The following NELL1 variants were observed in gnomAD, a reference collection of about 807,000 sequenced individuals.
The protein encoded by NELL1 is protein kinase C-binding protein NELL1.
A neutral mutation model predicts 107.4 loss-of-function variants in NELL1; 76 were observed. That is an observed-to-expected ratio of 0.71 (90% CI 0.59 to 0.86). The LOEUF (loss-of-function observed/expected upper bound fraction) is 0.86. Among genes scored for constraint, NELL1 ranks in the 40% least tolerant of loss-of-function variants. NELL1 has a pLI of 0.00. For synonymous variants in NELL1, 353 were observed against 341.2 expected (o/e 1.03, Z -0.38); for missense variants, 1,024 against 1,005.5 (o/e 1.02, Z -0.25).
chr11:21,101,163 T>C (rs1854799811), intron 12 of NELL1, among the ~76,000 whole-genome samples: 1 of 152,190 alleles, frequency 6.6e-6, no homozygotes, highest in Non-Finnish European at 1.5e-5. Flanking sequence ...ACAAAGGACA[T>C]GAACTCGTCA....
chr11:21,236,527 A>G (rs1858210703), intron 14 of NELL1, among the ~76,000 whole-genome samples: 1 of 152,136 alleles, frequency 6.6e-6, no homozygotes, highest in South Asian at 2.1e-4. Flanking sequence ...ATTTAAGTTC[A>G]AAGACATTGT....
intron 13 of NELL1, among the ~76,000 whole-genome samples, chr11:21,208,059 C>T (rs981153202): frequency 2.0e-5 from 3 of 151,976 alleles, no homozygotes; most frequent in Non-Finnish European, 2.9e-5. Context: ...GAGCTAAAAT[C>T]TATTTATTTA....
At chr11:20,828,038 A>T (rs1423660162) in intron 3 of NELL1, among the ~76,000 whole-genome samples, 1 of 151,314 alleles carries the variant, frequency 6.6e-6, no homozygotes, top group Non-Finnish European at 1.5e-5. Flanking sequence ...ACATAGTGTC[A>T]TGGAGCAGAA....
chr11:20,726,447 A>G (rs572031471), intron 2 of NELL1, among the ~76,000 whole-genome samples: 62 of 152,090 alleles, frequency 4.1e-4, no homozygotes, highest in Admixed American at 9.8e-4. Context: ...AGCACCGGAA[A>G]AGATAACCAT....
intron 15 of NELL1, among the ~76,000 whole-genome samples, chr11:21,456,895 T>TC (rs1305379399): frequency 6.4e-5 from 1 of 15,684 alleles, no homozygotes; most frequent in Non-Finnish European, 1.3e-4. Flanking sequence ...AAATGAGGTG[T>TC]TTTTTTTCTA....
intron 2 of NELL1, among the ~76,000 whole-genome samples, chr11:20,746,465 T>C (rs565218829): frequency 6.6e-6 from 1 of 152,182 alleles, no homozygotes; most frequent in South Asian, 2.1e-4. Flanking sequence ...ATTAATATTG[T>C]CCTCCCTTCA....
chr11:20,998,439 T>C (rs886230674), intron 12 of NELL1, among the ~76,000 whole-genome samples: 2 of 152,222 alleles, frequency 1.3e-5, no homozygotes, highest in African/African-American at 2.4e-5. Context: ...TTTGCTAAGA[T>C]ATATTTTTGT....
At chr11:21,444,720 T>G (rs1853376619) in intron 15 of NELL1, among the ~76,000 whole-genome samples, 2 of 152,154 alleles carry the variant, frequency 1.3e-5, no homozygotes, top group Non-Finnish European at 2.9e-5. Flanking sequence ...ATTTATCCTT[T>G]TTGTTACAAA....
intron 5 of NELL1, among the ~76,000 whole-genome samples, chr11:20,909,162 CAG>C (rs1031308396): frequency 2.6e-5 from 4 of 152,144 alleles, no homozygotes; most frequent in South Asian, 2.1e-4. Flanking sequence ...TAATGGTTAA[CAG>C]GGGATGGTGG....
intron 14 of NELL1, among the ~76,000 whole-genome samples, chr11:21,276,680 G>T (rs1848870216): frequency 6.6e-6 from 1 of 152,100 alleles, no homozygotes; most frequent in Admixed American, 6.5e-5. Flanking sequence ...AAACAGCATG[G>T]TACTGGTGCC....
intron 14 of NELL1, among the ~76,000 whole-genome samples, chr11:21,243,515 G>A (rs1858416062): frequency 6.6e-6 from 1 of 152,086 alleles, no homozygotes; most frequent in South Asian, 2.1e-4. Flanking sequence ...TGTATTTGTA[G>A]AAGGAAAGCA....
At chr11:21,127,989 G>A (rs979478725) in intron 13 of NELL1, among the ~76,000 whole-genome samples, 12 of 151,938 alleles carry the variant, frequency 7.9e-5, no homozygotes, top group Admixed American at 7.9e-4. Context: ...TTATCATGAT[G>A]ATCATTGTTT....
At chr11:20,952,311 G>A (rs1454463675) in intron 11 of NELL1, among the ~76,000 whole-genome samples, 1 of 152,114 alleles carries the variant, frequency 6.6e-6, no homozygotes, top group East Asian at 1.9e-4. Context: ...TTTTAATTCA[G>A]GCTCACTTGC....
intron 15 of NELL1, among the ~76,000 whole-genome samples, chr11:21,463,861 C>G (rs1173386804): frequency 6.6e-6 from 1 of 152,048 alleles, no homozygotes; most frequent in Non-Finnish European, 1.5e-5. Context: ...AAGACTCTAA[C>G]CTGGATGTGA....
intron 14 of NELL1, among the ~76,000 whole-genome samples, chr11:21,352,041 C>G (rs1183638108): frequency 1.3e-5 from 2 of 152,122 alleles, no homozygotes; most frequent in Non-Finnish European, 2.9e-5. Context: ...TAAGTATGGT[C>G]CTCCATGAAG....
intron 13 of NELL1, among the ~76,000 whole-genome samples, chr11:21,224,615 C>T (rs982445247): frequency 6.6e-6 from 1 of 152,070 alleles, no homozygotes; most frequent in Non-Finnish European, 1.5e-5. Context: ...TTAATGGTGG[C>T]CCATATGTCC....
At chr11:20,953,289 C>A (rs1346424852) in intron 11 of NELL1, among the ~76,000 whole-genome samples, 2 of 152,148 alleles carry the variant, frequency 1.3e-5, no homozygotes, top group Non-Finnish European at 2.9e-5. Flanking sequence ...CCTGCCTGAC[C>A]TGCTGGGGTA....
intron 13 of NELL1, among the ~76,000 whole-genome samples, chr11:21,124,432 G>A (rs1855443035): frequency 1.3e-5 from 2 of 152,084 alleles, no homozygotes; most frequent in South Asian, 4.2e-4. Flanking sequence ...GCAACTGAAG[G>A]CCACTTGCAA....
chr11:21,327,064 T>C (rs1372301591), intron 14 of NELL1, among the ~76,000 whole-genome samples: 1 of 151,914 alleles, frequency 6.6e-6, no homozygotes, highest in Non-Finnish European at 1.5e-5. Context: ...CCCATAATCC[T>C]GACATGTTGT....
Sources: gnomAD v4.1 joint callset for allele counts (sites outside exome capture counted in the v4.1 genomes callset) on GRCh38, gnomAD v4.1.1 for gene constraint, MANE v1.5 for transcripts, NCBI Gene and HGNC (gene_info 2026-07-23, HGNC 2026-07-21) for gene names.